Variants in VPS13C observed in about 807,000 individuals in gnomAD.
The protein encoded by VPS13C is intermembrane lipid transfer protein VPS13C.
A neutral mutation model predicts 456.8 loss-of-function variants in VPS13C; 358 were observed. The observed-to-expected ratio is 0.78, with a 90% confidence interval of 0.72 to 0.86. The LOEUF is 0.86. Ranked by LOEUF, VPS13C falls within the 40% of genes least tolerant of loss-of-function variation. The pLI is 0.00. For synonymous variants in VPS13C, 1,578 were observed against 1,486.7 expected, an observed-to-expected ratio of 1.06 and a Z score of -1.41; for missense variants, 4,818 against 4,385.4, an observed-to-expected ratio of 1.10 and a Z score of -2.79.
intron 67 of VPS13C, among the ~76,000 whole-genome samples, 165 bp downstream of exon 67, chr15:61,890,000 G>A (rs1402638766): frequency 6.6e-6 from 1 of 152,004 alleles, no homozygotes. Flanking sequence ...TTCTATCCTC[G>A]GGGCTTTTCA....
chr15:61,912,127 C>A, intron 62 of VPS13C, 123 bp from the exon 63 acceptor site: 1 of 900,618 alleles, frequency 1.1e-6, no homozygotes, highest in Non-Finnish European at 1.5e-6. Context: ...AATAAAGCAA[C>A]TATAAGTTAC....
rs2140836551 is a variant in VPS13C at position 62,060,376 on chromosome 15, G to A, written c.-2C>T. ...CGCGACCACCGACTCCAGCACCATG[G>A]TGGCGCTGAGGCACAAGGAGAGGGA... On this transcript the variant is annotated 5_prime_UTR_variant, in exon 1 of 85. Coordinates refer to ENST00000644861, the MANE Select transcript of VPS13C (RefSeq NM_020821.3). 1 of 1,554,606 alleles carries A rather than the reference G, an allele frequency of 6.4e-7. No individual in the cohort carries two copies. The highest frequency in any genetic ancestry group is 8.8e-7 in the Non-Finnish European group (1 of 1,141,038).
At chr15:61,972,886 T>A in intron 26 of VPS13C, 122 bp from the exon 27 acceptor site, 1 of 1,064,082 alleles carries the variant, frequency 9.4e-7, no homozygotes, top group Non-Finnish European at 1.3e-6. Flanking sequence ...ATATTCAGCA[T>A]CAGAATAGCT....
chr15:61,866,820 A>T, intron 81 of VPS13C: 2 of 975,708 alleles, frequency 2.0e-6, no homozygotes, highest in Non-Finnish European at 2.4e-6. Context: ...GATAACTGCA[A>T]TCCTTAAAAT....
chr15:62,047,061 G>A (rs2048428609), intron 1 of VPS13C, among the ~76,000 whole-genome samples: 1 of 151,708 alleles, frequency 6.6e-6, no homozygotes, highest in South Asian at 2.1e-4. Flanking sequence ...ATGTCAATAC[G>A]ATTTAAATAT....
intron 43 of VPS13C, 138 bp downstream of exon 43, chr15:61,947,055 C>T: frequency 1.8e-6 from 1 of 559,980 alleles, no homozygotes; most frequent in Non-Finnish European, 3.1e-6. Flanking sequence ...CATTTTAAAG[C>T]ACATCTTTGA....
intron 55 of VPS13C, among the ~76,000 whole-genome samples, chr15:61,921,110 C>T (rs2043640204): frequency 6.6e-6 from 1 of 152,066 alleles, no homozygotes; most frequent in Non-Finnish European, 1.5e-5. Context: ...CCATCAGATT[C>T]CATCAGCTTC....
intron 1 of VPS13C, among the ~76,000 whole-genome samples, chr15:62,044,690 T>A (rs1164006753): frequency 1.3e-5 from 2 of 152,160 alleles, no homozygotes; most frequent in African/African-American, 4.8e-5. Context: ...ATGGTGTTAG[T>A]CTTTCATGTC....
chr15:61,981,609 C>T, intron 21 of VPS13C, 131 bp from the exon 22 acceptor site: 1 of 882,152 alleles, frequency 1.1e-6, no homozygotes, highest in Non-Finnish European at 1.6e-6. Context: ...GCCTGTCATC[C>T]CAGCACTTTG....
chr15:61,966,999 T>C (rs969136519), intron 29 of VPS13C, among the ~76,000 whole-genome samples: 6 of 151,948 alleles, frequency 3.9e-5, no homozygotes, highest in African/African-American at 9.7e-5. Flanking sequence ...TTCCTATTCA[T>C]GGCATTTGTC....
At chr15:61,885,834 G>A (rs754993877) in intron 67 of VPS13C, among the ~76,000 whole-genome samples, 55 of 152,202 alleles carry the variant, frequency 3.6e-4, no homozygotes, top group Non-Finnish European at 7.4e-4. Context: ...CTCACCTGTA[G>A]TTGTCCTAGG....
chr15:62,008,666 A>G lies in VPS13C; in HGVS notation c.1107T>C (p.Asn369=). The change falls in exon 14 of 85, where the codon AAT becomes AAC. Residue 369 remains asparagine, a synonymous_variant. Coordinates refer to ENST00000644861, the MANE Select transcript of VPS13C (RefSeq NM_020821.3). ...KYKPYLPLHT[N]GRRWWKYAID... ...AAATTCTAACTTACCATCGTCGACC[A>G]TTGGTATGAAGTGGTAAATAAGGCT... The G allele has an allele frequency of 6.3e-7, 1 of 1,599,484 alleles. No individual in the cohort carries two copies. Among genetic ancestry groups the G allele is most frequent in the Non-Finnish European group, 8.5e-7 (1 of 1,173,052 alleles).
chr15:62,020,609 C>G (rs2047429352), intron 8 of VPS13C, 71 bp from the exon 9 acceptor site: 3 of 1,471,186 alleles, frequency 2.0e-6, no homozygotes, highest in African/African-American at 2.8e-5. Flanking sequence ...TTACAATAGG[C>G]AGCAGAGGGA....
At chr15:61,997,596 C>T (rs566169338) in intron 16 of VPS13C, among the ~76,000 whole-genome samples, 1 of 152,244 alleles carries the variant, frequency 6.6e-6, no homozygotes, top group Non-Finnish European at 1.5e-5. Context: ...CCCATCTTCC[C>T]CCTCTTATTT....
At chr15:62,007,578 GTTC>G in intron 14 of VPS13C, 99 bp from the exon 15 acceptor site, 1 of 1,090,554 alleles carries the variant, frequency 9.2e-7, no homozygotes, top group Non-Finnish European at 1.2e-6. Context: ...CAAATTTTTT[GTTC>G]TTCTTAACTG....
chr15:61,909,051 T>C lies in VPS13C; in HGVS notation c.8919A>G (p.Gly2973=). 1 of 1,613,936 alleles carries C rather than the reference T, an allele frequency of 6.2e-7. No individual in the cohort carries two copies. Residue 2973 remains glycine (G), a synonymous_variant, in exon 65 of 85, where the codon GGA becomes GGG. Coordinates refer to ENST00000644861, the MANE Select transcript of VPS13C (RefSeq NM_020821.3). The stretch of plus-strand genomic sequence containing the variant: ...GGTTCATTATCAAGGCAGGTGCAGA[T>C]CCCTCATGGTAATCAGAAAAAGTTA... The part of the protein sequence containing the change: ...TVITFSDYHE[G]SAPALIMNHT...
chr15:61,918,573 T>C (rs1256664090), intron 58 of VPS13C, among the ~76,000 whole-genome samples: 1 of 152,048 alleles, frequency 6.6e-6, no homozygotes, highest in Non-Finnish European at 1.5e-5. Context: ...GACAATCTTT[T>C]CTCAATGTAT....
At chr15:62,043,594 A>C (rs558757626) in intron 2 of VPS13C, among the ~76,000 whole-genome samples, 10 of 152,336 alleles carry the variant, frequency 6.6e-5, no homozygotes, top group Admixed American at 5.9e-4. Flanking sequence ...CAACAGAGTG[A>C]GACTGTATCT....
At chr15:62,033,362 C>T (rs944459071) in intron 5 of VPS13C, 79 bp downstream of exon 5, 2 of 893,234 alleles carry the variant, frequency 2.2e-6, no homozygotes, top group African/African-American at 1.8e-5. Flanking sequence ...TGAAGGCTTA[C>T]AAAAGCATCC....
Sources: allele counts gnomAD v4.1 joint callset (sites outside exome capture counted in the v4.1 genomes callset), GRCh38; gene constraint gnomAD v4.1.1; transcripts MANE v1.5; gene names NCBI Gene and HGNC (gene_info 2026-07-23, HGNC 2026-07-21).